PRELID2: variants seen among roughly 807,000 people sequenced by gnomAD.
PRELID2 encodes the protein PRELI domain containing 2, also known as PRELI domain-containing protein 2.
PRELID2 carries 25 observed loss-of-function variants against 28.4 expected under a neutral mutation model. The ratio of observed to expected loss-of-function variants is 0.88; its 90% CI spans 0.64 to 1.23. The LOEUF is 1.23. Among genes scored for constraint, PRELID2 ranks in the 50% most tolerant of loss-of-function variants. The pLI, the probability that PRELID2 is intolerant of heterozygous loss-of-function variation, is 0.00. For missense variants in PRELID2, 201 were observed against 214.4 expected, an observed-to-expected ratio of 0.94 and a Z score of 0.39; for synonymous variants, 76 against 71.6, an observed-to-expected ratio of 1.06 and a Z score of -0.31.
the PRELID2 span, among the ~76,000 whole-genome samples, chr5:145,403,655 C>T: frequency 1.9e-3 from 292 of 152,308 alleles, no homozygotes; most frequent in African/African-American, 6.8e-3. Flanking sequence ...TATACTAACA[C>T]TTAACATGTG....
At chr5:145,446,453 C>A in the PRELID2 span, among the ~76,000 whole-genome samples, 1 of 151,844 alleles carries the variant, frequency 6.6e-6, no homozygotes, top group East Asian at 1.9e-4. Context: ...AAAGAGCTAG[C>A]CATAGGAGGA....
intron 1 of PRELID2, among the ~76,000 whole-genome samples, chr5:145,564,407 C>G (rs1009218957): frequency 6.6e-6 from 1 of 152,128 alleles, no homozygotes; most frequent in Non-Finnish European, 1.5e-5. Context: ...CTTGAATGTC[C>G]CTCACTCTTG....
the PRELID2 span, among the ~76,000 whole-genome samples, chr5:145,360,713 G>A: frequency 2.6e-5 from 4 of 152,160 alleles, no homozygotes; most frequent in Admixed American, 1.3e-4. Flanking sequence ...TTGGATTCCA[G>A]GAAGTCAATA....
At chr5:145,484,634 T>C (rs1752197272) in intron 1 of PRELID2, among the ~76,000 whole-genome samples, 1 of 152,216 alleles carries the variant, frequency 6.6e-6, no homozygotes, top group African/African-American at 2.4e-5. Flanking sequence ...AGGACACTTC[T>C]ACCTTTCTTC....
At chr5:145,258,777 C>T in the PRELID2 span, among the ~76,000 whole-genome samples, 11 of 152,130 alleles carry the variant, frequency 7.2e-5, no homozygotes, top group African/African-American at 1.2e-4. Context: ...GGGAGGAATT[C>T]AAGCAGACTG....
At chr5:145,735,732 T>C (rs961537587) in intron 1 of PRELID2, among the ~76,000 whole-genome samples, 2 of 152,196 alleles carry the variant, frequency 1.3e-5, no homozygotes, top group African/African-American at 4.8e-5. Flanking sequence ...CTTTGATCCT[T>C]CATCTTAAAT....
At chr5:145,706,590 C>A (rs1755553931) in intron 1 of PRELID2, among the ~76,000 whole-genome samples, 1 of 152,176 alleles carries the variant, frequency 6.6e-6, no homozygotes, top group African/African-American at 2.4e-5. Context: ...CTATGGGTCA[C>A]CTCCTGTGCA....
chr5:145,806,518 TG>T (rs1295069250), intron 4 of PRELID2, among the ~76,000 whole-genome samples: 8 of 152,356 alleles, frequency 5.3e-5, no homozygotes, highest in Non-Finnish European at 1.0e-4. Context: ...TGCCTAAGGC[TG>T]TTTAACAGTT....
the PRELID2 span, among the ~76,000 whole-genome samples, chr5:145,421,659 T>C: frequency 1.4e-5 from 2 of 142,368 alleles, no homozygotes; most frequent in Non-Finnish European, 3.1e-5. Context: ...GGTCTATCAA[T>C]TTTGTTGATC....
At chr5:145,543,264 G>C (rs1261783769) in intron 1 of PRELID2, among the ~76,000 whole-genome samples, 2 of 152,112 alleles carry the variant, frequency 1.3e-5, no homozygotes, top group Non-Finnish European at 2.9e-5. Flanking sequence ...TCCAGTGCCT[G>C]CCATATTGCC....
chr5:145,525,915 G>C lies in PRELID2; in HGVS notation n.71-52600C>G, dbSNP rs1752602348. Among the ~76,000 whole-genome samples the C allele has an allele frequency of 2.6e-5, 4 of 152,160 alleles. No individual in the cohort carries two copies. In the South Asian group the frequency reaches 8.3e-4, roughly 32 times the overall value. On this transcript the variant is annotated intron_variant and non_coding_transcript_variant, in intron 1 of 2. Coordinates refer to the PRELID2 transcript ENST00000510259. ...CAGACTCTGCAGCAACTGGAAACCT[G>C]ATCCATTTTCTTTTCTTTCTGGGTC...
At chr5:145,499,060 C>T (rs1752335716) in intron 1 of PRELID2, among the ~76,000 whole-genome samples, 1 of 152,046 alleles carries the variant, frequency 6.6e-6, no homozygotes, top group African/African-American at 2.4e-5. Context: ...CCAGCCTGGG[C>T]AACATAGCAA....
chr5:145,368,752 TTTCAA>T, the PRELID2 span, among the ~76,000 whole-genome samples: 1 of 152,002 alleles, frequency 6.6e-6, no homozygotes, highest in Admixed American at 6.6e-5. Flanking sequence ...AAGTTTATTC[TTTCAA>T]TGGTAAGGTT....
chr5:145,613,186 G>A (rs1174703589), intron 1 of PRELID2, among the ~76,000 whole-genome samples: 1 of 152,048 alleles, frequency 6.6e-6, no homozygotes, highest in East Asian at 1.9e-4. Flanking sequence ...CAGGAGTGAG[G>A]TAGTATCGCA....
At chr5:145,369,594 A>G in the PRELID2 span, among the ~76,000 whole-genome samples, 1 of 152,006 alleles carries the variant, frequency 6.6e-6, no homozygotes, top group Admixed American at 6.6e-5. Context: ...ATGTGAATGC[A>G]TCTTTATAGT....
the PRELID2 span, among the ~76,000 whole-genome samples, chr5:145,364,627 A>T: frequency 6.6e-6 from 1 of 152,072 alleles, no homozygotes; most frequent in Non-Finnish European, 1.5e-5. Context: ...TGACCAGGCT[A>T]CTACAACAGA....
At chr5:145,562,873 G>A (rs1752935878) in intron 1 of PRELID2, among the ~76,000 whole-genome samples, 1 of 152,276 alleles carries the variant, frequency 6.6e-6, no homozygotes, top group South Asian at 2.1e-4. Context: ...CCAAAGTAGA[G>A]TTTTTTTCTA....
At chr5:145,314,517 T>A in the PRELID2 span, among the ~76,000 whole-genome samples, 1 of 152,110 alleles carries the variant, frequency 6.6e-6, no homozygotes, top group Admixed American at 6.5e-5. Context: ...GAAAATTTTT[T>A]AAAAAGTAAC....
chr5:145,492,078 G>A (rs184130090), intron 1 of PRELID2, among the ~76,000 whole-genome samples: 1 of 152,226 alleles, frequency 6.6e-6, no homozygotes, highest in Non-Finnish European at 1.5e-5. Flanking sequence ...GGATCTTATA[G>A]TAGTTCTATT....
Sources: allele counts gnomAD v4.1 joint callset (sites outside exome capture counted in the v4.1 genomes callset), GRCh38; gene constraint gnomAD v4.1.1; transcripts MANE v1.5; gene names NCBI Gene and HGNC (gene_info 2026-07-23, HGNC 2026-07-21).